The following CHM variants were observed in gnomAD, a reference collection of about 807,000 sequenced individuals.
The protein encoded by CHM is CHM Rab escort protein.
In CHM, 10 loss-of-function variants were observed where a neutral mutation model predicts 49.0. That is an observed-to-expected ratio of 0.20 (90% CI 0.13 to 0.35). The LOEUF is 0.35. CHM is among the 10% of genes least tolerant of loss of function. The pLI is 1.00. For synonymous variants in CHM, 184 were observed against 167.5 expected (o/e 1.10, Z -0.76); for missense variants, 455 against 478.4 (o/e 0.95, Z 0.46).
intron 2 of CHM, 138 bp downstream of exon 2, chrX:86,027,353 C>T (rs1933868605): frequency 2.3e-5 from 12 of 522,377 alleles, no homozygotes; most frequent in Admixed American, 1.7e-4. Flanking sequence ...TAAACAACTC[C>T]GATCTTTCTT....
At chrX:85,942,887 T>A (rs1374153314) in intron 8 of CHM, among the ~76,000 whole-genome samples, 1 of 104,478 alleles carries the variant, frequency 9.6e-6, no homozygotes, top group East Asian at 3.1e-4. Flanking sequence ...ATTAGGTATA[T>A]CTCTTAATGC....
At chrX:86,031,266 T>C (rs536070817) in intron 1 of CHM, among the ~76,000 whole-genome samples, 18 of 111,687 alleles carry the variant, frequency 1.6e-4, no homozygotes, top group African/African-American at 5.9e-4. Context: ...TCATTGTACC[T>C]ATAGTAAACA....
rs138246326 is a variant in CHM, at chrX:86,006,315, G to A, written c.116+21176C>T. Among the ~76,000 whole-genome samples, 1,076 of 111,486 alleles carry A rather than the reference G, an allele frequency of 9.7e-3. 46 individuals carry two copies. Among genetic ancestry groups the A allele is most frequent in the Admixed American group, 0.089 (935 of 10,447 alleles). ...ACCCACAGCCAGTGTCATACTGAACGGGCACAAACTGGAAGCATTCCCTTT... is the reference window on the plus strand; with the variant it reads ...ACCCACAGCCAGTGTCATACTGAACAGGCACAAACTGGAAGCATTCCCTTT... On this transcript the variant is annotated intron_variant, in intron 2 of 14. Transcript: ENST00000357749.
intron 11 of CHM, among the ~76,000 whole-genome samples, chrX:85,899,083 T>C (rs995213906): frequency 4.6e-4 from 52 of 112,325 alleles, no homozygotes; most frequent in African/African-American, 1.5e-3. Context: ...TAAAGAACTT[T>C]AGGAGCCTAC....
At chrX:85,922,912 T>A (rs1264783713) in intron 8 of CHM, among the ~76,000 whole-genome samples, 1 of 112,173 alleles carries the variant, frequency 8.9e-6, no homozygotes, top group African/African-American at 3.2e-5. Flanking sequence ...TCATTCACAA[T>A]GATCCAGTAT....
At chrX:85,989,027 A>G (rs1170070253) in intron 2 of CHM, among the ~76,000 whole-genome samples, 2 of 111,814 alleles carry the variant, frequency 1.8e-5, no homozygotes, top group Middle Eastern at 8.4e-3. Flanking sequence ...ACCAAAAAAT[A>G]CCCAAATAGC....
chrX:85,941,789 A>G (rs187406198), intron 8 of CHM, among the ~76,000 whole-genome samples: 21 of 111,369 alleles, frequency 1.9e-4, no homozygotes, highest in African/African-American at 6.8e-4. Flanking sequence ...CCTAACTTAG[A>G]TTACTAAATC....
intron 2 of CHM, among the ~76,000 whole-genome samples, chrX:86,010,807 G>C (rs1439555148): frequency 8.9e-6 from 1 of 111,946 alleles, no homozygotes; most frequent in Non-Finnish European, 1.9e-5. Context: ...AGCAAAGTTA[G>C]TGTGGTATAT....
chrX:85,960,653 T>C (rs1190930946), intron 5 of CHM, among the ~76,000 whole-genome samples: 3 of 110,675 alleles, frequency 2.7e-5, no homozygotes, highest in Admixed American at 9.6e-5. Flanking sequence ...CTCGAACTCC[T>C]GACCTTAGGT....
At chrX:85,905,665 T>C (rs778490485) in intron 9 of CHM, among the ~76,000 whole-genome samples, 17 of 111,374 alleles carry the variant, frequency 1.5e-4, no homozygotes, top group South Asian at 3.8e-4. Flanking sequence ...AGCAAGCAAA[T>C]AAGGATACAG....
intron 4 of CHM, chrX:85,968,942 T>A (rs755642049): frequency 4.1e-6 from 1 of 244,358 alleles, no homozygotes; most frequent in South Asian, 1.9e-4. Context: ...ATGAGTAATT[T>A]CCTCTAAACT....
At chrX:85,998,426 T>C (rs774806850) in intron 2 of CHM, among the ~76,000 whole-genome samples, 1 of 111,863 alleles carries the variant, frequency 8.9e-6, no homozygotes, top group African/African-American at 3.3e-5. Context: ...ATATTTTTCA[T>C]TTTTCATGTA....
intron 12 of CHM, among the ~76,000 whole-genome samples, chrX:85,892,439 G>T (rs1351503459): frequency 3.6e-5 from 4 of 111,124 alleles, no homozygotes; most frequent in African/African-American, 1.3e-4. Context: ...ATGATAGTGT[G>T]TAAGTCTTAC....
chrX:85,966,348 T>TAA (rs761814256), intron 4 of CHM, among the ~76,000 whole-genome samples: 10 of 67,105 alleles, frequency 1.5e-4, no homozygotes, highest in African/African-American at 3.2e-4. Context: ...AAACTCCGTC[T>TAA]AAAAAAAAAA....
At chrX:86,006,763 CACAA>C (rs1415173652) in intron 2 of CHM, among the ~76,000 whole-genome samples, 1 of 111,596 alleles carries the variant, frequency 9.0e-6, no homozygotes, top group African/African-American at 3.3e-5. Context: ...TAAAAGAGGA[CACAA>C]ACAAATGGAA....
In CHM at chrX:85,901,106, T is replaced by C. The variant is rs1189963034; in HGVS notation, c.1327A>G (p.Met443Val). ...TACCTGTATTGCACACGTGAGCACA[T>C]GTTCTCAGGAAAGTAACTGTCCTCC... Reference protein sequence around the residue: ...LVEDSYFPENMCSRVQYRQIS... With the variant: ...LVEDSYFPENVCSRVQYRQIS... Residue 443 changes from methionine to valine, a missense_variant, in exon 10 of 15, where the codon ATG becomes GTG. Coordinates refer to ENST00000357749, the MANE Select transcript of CHM (RefSeq NM_000390.4). 2 of 1,201,665 alleles carry C rather than the reference T, an allele frequency of 1.7e-6. No individual in the cohort carries two copies. Among genetic ancestry groups the C allele is most frequent in the African/African-American group, 1.8e-5 (1 of 57,015 alleles).
chrX:85,985,723 T>C (rs1470544920), intron 2 of CHM, among the ~76,000 whole-genome samples: 1 of 112,649 alleles, frequency 8.9e-6, no homozygotes, highest in African/African-American at 3.2e-5. Context: ...CAGGCCATCA[T>C]CTTTGCTGCT....
At position 86,026,102 on chromosome X, in the gene CHM, C is replaced by CTTTTTTTTTTTTT. The variant is rs1167691945; in HGVS notation, c.116+1376_116+1388dup. On this transcript the variant is annotated intron_variant, in intron 2 of 14. Transcript: ENST00000357749. ...CTGGGCTTTCAAGGTAGCAGATTTT[C>CTTTTTTTTTTTTT]TTTTTTTTTTTTTTTTTTTTTTTTT... 6.7e-4 allele frequency among the ~76,000 whole-genome samples: 18 copies of CTTTTTTTTTTTTT among 26,761 alleles called. 6 individuals carry two copies. The highest frequency in any genetic ancestry group is 7.6e-4 in the Non-Finnish European group (10 of 13,232). The allele number at this position is 26,761 out of a possible 115,157, so 23.2% of individuals were successfully genotyped here. A position where few individuals can be genotyped will look rare whatever the true frequency, so the allele number is the denominator to read the frequency against.
At chrX:85,958,009 G>A in intron 6 of CHM, 34 bp from the exon 7 acceptor site, 1 of 1,197,649 alleles carries the variant, frequency 8.3e-7, no homozygotes, top group Non-Finnish European at 1.1e-6. Flanking sequence ...TTAAGAAACT[G>A]CTTCCTAATG....
Sources: allele counts gnomAD v4.1 joint callset (sites outside exome capture counted in the v4.1 genomes callset), GRCh38; gene constraint gnomAD v4.1.1; transcripts MANE v1.5; gene names NCBI Gene and HGNC (gene_info 2026-07-23, HGNC 2026-07-21).